NR6A1: variants seen among roughly 807,000 people sequenced by gnomAD.
NR6A1 encodes retinoic acid receptor-related testis-associated receptor.
Under a neutral mutation model 59.1 loss-of-function variants are expected in NR6A1, and 7 were observed. That is an observed-to-expected ratio of 0.12 (90% CI 0.07 to 0.22). NR6A1 has a LOEUF of 0.22. NR6A1 is among the 10% of genes least tolerant of loss of function. The pLI is 1.00. For missense variants in NR6A1, 468 were observed against 611.6 expected (o/e 0.77, Z 2.48); for synonymous variants, 243 against 236.1 (o/e 1.03, Z -0.27).
At chr9:124,626,898 C>T (rs1172359573) in intron 2 of NR6A1, among the ~76,000 whole-genome samples, 1 of 152,186 alleles carries the variant, frequency 6.6e-6, no homozygotes, top group Non-Finnish European at 1.5e-5. Context: ...GGCACCACTG[C>T]ACTCCAGCCT....
chr9:124,715,328 G>T (rs1032163329), intron 2 of NR6A1, among the ~76,000 whole-genome samples: 1 of 151,958 alleles, frequency 6.6e-6, no homozygotes, highest in East Asian at 1.9e-4. Flanking sequence ...TTTAAGACCA[G>T]CCTGGACAAC....
chr9:124,686,185 G>A (rs1300590604), intron 2 of NR6A1, among the ~76,000 whole-genome samples: 1 of 152,020 alleles, frequency 6.6e-6, no homozygotes, highest in Non-Finnish European at 1.5e-5. Context: ...ATTACTATAA[G>A]ACTAAAATTA....
chr9:124,610,789 G>A (rs1173963227), intron 2 of NR6A1, among the ~76,000 whole-genome samples: 1 of 152,140 alleles, frequency 6.6e-6, no homozygotes, highest in Non-Finnish European at 1.5e-5. Context: ...CTCATTATCG[G>A]TCTATTCAGG....
chr9:124,535,851 AT>A, intron 7 of NR6A1, 26 bp downstream of exon 7: 1 of 1,612,094 alleles, frequency 6.2e-7, no homozygotes, highest in Non-Finnish European at 8.5e-7. Context: ...GTTGTTTGGT[AT>A]TTCCTCCCCA....
chr9:124,696,578 A>G (rs991852129), intron 2 of NR6A1, among the ~76,000 whole-genome samples: 1 of 126,874 alleles, frequency 7.9e-6, no homozygotes, highest in Non-Finnish European at 1.5e-5. Context: ...GCTGGAGTGC[A>G]GTGGTGTGAT....
chr9:124,638,384 A>C (rs1032509231), intron 2 of NR6A1, among the ~76,000 whole-genome samples: 1 of 152,214 alleles, frequency 6.6e-6, no homozygotes, highest in African/African-American at 2.4e-5. Context: ...AAGAAATCTA[A>C]GACCAATTTT....
At chr9:124,554,891 T>C (rs1457055591) in intron 2 of NR6A1, among the ~76,000 whole-genome samples, 1 of 152,192 alleles carries the variant, frequency 6.6e-6, no homozygotes, top group Non-Finnish European at 1.5e-5. Context: ...TTCTACCCTG[T>C]AGGAGCACGG....
At chr9:124,728,508 G>A (rs1312780425) in intron 2 of NR6A1, among the ~76,000 whole-genome samples, 24 of 151,870 alleles carry the variant, frequency 1.6e-4, no homozygotes, top group African/African-American at 3.6e-4. Context: ...AGTGGCAGGC[G>A]CCTGTAATCC....
At chr9:124,670,719 G>A (rs1211982490) in intron 2 of NR6A1, among the ~76,000 whole-genome samples, 2 of 152,184 alleles carry the variant, frequency 1.3e-5, no homozygotes, top group African/African-American at 4.8e-5. Flanking sequence ...TGGCCTAGCA[G>A]TAGGATATTG....
At chr9:124,691,893 T>C (rs907902232) in intron 2 of NR6A1, among the ~76,000 whole-genome samples, 3 of 152,198 alleles carry the variant, frequency 2.0e-5, no homozygotes, top group Non-Finnish European at 4.4e-5. Flanking sequence ...GAAATTTACA[T>C]GTTTGACTTT....
intron 3 of NR6A1, among the ~76,000 whole-genome samples, chr9:124,554,010 C>A (rs182078382): frequency 6.6e-6 from 1 of 152,218 alleles, no homozygotes; most frequent in Admixed American, 6.5e-5. Context: ...GCCTTTTCAT[C>A]CAAAAATTTC....
chr9:124,627,731 CCTG>C (rs371835938), intron 2 of NR6A1, among the ~76,000 whole-genome samples: 157 of 152,204 alleles, frequency 1.0e-3, no homozygotes, highest in Middle Eastern at 3.4e-3. Context: ...GCCACCACAA[CCTG>C]CTAATTTTCA....
At chr9:124,752,128 G>T (rs1840517354) in intron 1 of NR6A1, among the ~76,000 whole-genome samples, 1 of 152,154 alleles carries the variant, frequency 6.6e-6, no homozygotes, top group African/African-American at 2.4e-5. Context: ...AATTAGCTGT[G>T]CATGGTGGCA....
chr9:124,741,013 T>C (rs977334203), intron 1 of NR6A1, among the ~76,000 whole-genome samples: 1 of 152,232 alleles, frequency 6.6e-6, no homozygotes, highest in African/African-American at 2.4e-5. Context: ...GAGAACAATT[T>C]CACTATTCTC....
intron 2 of NR6A1, among the ~76,000 whole-genome samples, chr9:124,655,013 G>C (rs182805423): frequency 6.6e-6 from 1 of 151,992 alleles, no homozygotes; most frequent in Admixed American, 6.6e-5. Flanking sequence ...ATGTGAAAGA[G>C]GATTTACCCA....
At chr9:124,601,148 C>T (rs1211536916) in intron 2 of NR6A1, among the ~76,000 whole-genome samples, 5 of 152,086 alleles carry the variant, frequency 3.3e-5, no homozygotes, top group East Asian at 1.9e-4. Context: ...TGGTGGCACA[C>T]GCCTGTAATT....
chr9:124,677,752 A>G (rs993748717), intron 2 of NR6A1, among the ~76,000 whole-genome samples: 2 of 152,090 alleles, frequency 1.3e-5, no homozygotes, highest in African/African-American at 4.8e-5. Context: ...CTAATCTCAG[A>G]TAGTATTCCT....
rs1840941318 is a variant in NR6A1, at chr9:124,766,590, C to CCCAA, written c.100+4426_100+4429dup. ...GTCCTACTTAAAAAAAACAGACTGA[C>CCCAA]CCAACAATGTAAAATTTACTCTAAA... On this transcript the variant is annotated intron_variant, in intron 1 of 9. Transcript: ENST00000487099. Among the ~76,000 whole-genome samples, 3 of 152,078 alleles carry CCCAA rather than the reference C, an allele frequency of 2.0e-5. No individual in the cohort carries two copies. The South Asian group carries it at 6.2e-4, about 32-fold the overall frequency.
At chr9:124,575,736 G>A (rs1018418015) in intron 2 of NR6A1, among the ~76,000 whole-genome samples, 6 of 148,848 alleles carry the variant, frequency 4.0e-5, no homozygotes, top group Admixed American at 3.3e-4. Flanking sequence ...CATCGTAACT[G>A]TGAGGACTGA....
Sources: allele counts gnomAD v4.1 joint callset (sites outside exome capture counted in the v4.1 genomes callset), GRCh38; gene constraint gnomAD v4.1.1; transcripts MANE v1.5; gene names NCBI Gene and HGNC (gene_info 2026-07-23, HGNC 2026-07-21).